Variants in SPAG16 observed in about 807,000 individuals in gnomAD.
SPAG16 encodes sperm-associated antigen 16 protein.
A neutral mutation model predicts 80.4 loss-of-function variants in SPAG16; 86 were observed. The observed-to-expected ratio is 1.07, with a 90% confidence interval of 0.90 to 1.28. The LOEUF (loss-of-function observed/expected upper bound fraction) is 1.28. Ranked by LOEUF, SPAG16 falls within the 50% of genes most tolerant of loss-of-function variation. The pLI is 0.00. For missense variants in SPAG16, 870 were observed against 765.3 expected (o/e 1.14, Z -1.61); for synonymous variants, 294 against 265.9 (o/e 1.11, Z -1.03).
chr2:214,198,767 T>C (rs2057921437), intron 15 of SPAG16, among the ~76,000 whole-genome samples: 1 of 152,104 alleles, frequency 6.6e-6, no homozygotes, highest in Non-Finnish European at 1.5e-5. Context: ...TGCCAACATC[T>C]ATTTTTTTTA....
intron 15 of SPAG16, among the ~76,000 whole-genome samples, chr2:214,236,005 G>T (rs953467885): frequency 3.4e-4 from 52 of 152,266 alleles, no homozygotes; most frequent in African/African-American, 1.2e-3. Flanking sequence ...TTCTGAGGAA[G>T]AAAATGGGCA....
intron 10 of SPAG16, among the ~76,000 whole-genome samples, chr2:213,774,541 G>T (rs1170007117): frequency 6.6e-6 from 1 of 152,098 alleles, no homozygotes; most frequent in Non-Finnish European, 1.5e-5. Context: ...ATATGCAATG[G>T]TGTTATTTCC....
At chr2:213,818,216 C>A (rs576902192) in intron 10 of SPAG16, among the ~76,000 whole-genome samples, 1 of 152,122 alleles carries the variant, frequency 6.6e-6, no homozygotes, top group South Asian at 2.1e-4. Context: ...TGTTACCTTG[C>A]GCAGTAGATC....
chr2:213,547,766 C>A (rs532417641), intron 10 of SPAG16, among the ~76,000 whole-genome samples: 7 of 152,102 alleles, frequency 4.6e-5, no homozygotes, highest in African/African-American at 1.7e-4. Context: ...TCGTATCCTT[C>A]GGAGGATTCA....
chr2:214,100,268 C>T (rs2052915568), intron 13 of SPAG16, among the ~76,000 whole-genome samples: 1 of 151,990 alleles, frequency 6.6e-6, no homozygotes, highest in Non-Finnish European at 1.5e-5. Flanking sequence ...ATTACCCAGT[C>T]TCAGGTATTG....
chr2:213,433,211 A>C (rs1186793798), intron 9 of SPAG16, among the ~76,000 whole-genome samples: 1 of 152,194 alleles, frequency 6.6e-6, no homozygotes, highest in Non-Finnish European at 1.5e-5. Flanking sequence ...AAGAATGTGC[A>C]CTTTGGCCAA....
chr2:213,636,036 A>G (rs1359533219), intron 10 of SPAG16, among the ~76,000 whole-genome samples: 2 of 152,154 alleles, frequency 1.3e-5, no homozygotes, highest in South Asian at 2.1e-4. Flanking sequence ...GCCAATGTCT[A>G]AAAGAGTTTT....
intron 10 of SPAG16, among the ~76,000 whole-genome samples, chr2:213,557,199 G>A (rs751190669): frequency 1.3e-5 from 2 of 152,002 alleles, no homozygotes; most frequent in Non-Finnish European, 2.9e-5. Context: ...CCAGCTAATG[G>A]CTATCTCTAT....
At chr2:213,562,759 T>C (rs1189897906) in intron 10 of SPAG16, among the ~76,000 whole-genome samples, 2 of 151,466 alleles carry the variant, frequency 1.3e-5, no homozygotes, top group Admixed American at 6.6e-5. Context: ...GTCATATTTA[T>C]AGATGGTGCT....
In SPAG16 at chr2:213,378,539, T is replaced by C. The variant is rs561198277; in HGVS notation, c.942+3420T>C. 7.9e-5 allele frequency among the ~76,000 whole-genome samples: 12 copies of C among 152,116 alleles called. No homozygotes were observed. The South Asian group carries it at 2.5e-3, about 32-fold the overall frequency. On this transcript the variant is annotated intron_variant, in intron 9 of 15. Coordinates refer to ENST00000331683, the MANE Select transcript of SPAG16 (RefSeq NM_024532.5). ...TTGATGTGAAGTCAGTAAATCCTTATATCACATGATAAGGGAAAAAGGAAA... is the reference window on the plus strand; with the variant it reads ...TTGATGTGAAGTCAGTAAATCCTTACATCACATGATAAGGGAAAAAGGAAA...
intron 15 of SPAG16, among the ~76,000 whole-genome samples, chr2:214,309,697 T>G (rs998132261): frequency 3.9e-5 from 6 of 152,212 alleles, no homozygotes; most frequent in Non-Finnish European, 8.8e-5. Context: ...GACTGTGTAC[T>G]ATAATTCTGG....
chr2:213,777,554 C>T (rs1288759420), intron 10 of SPAG16, among the ~76,000 whole-genome samples: 22 of 152,164 alleles, frequency 1.4e-4, no homozygotes, highest in Non-Finnish European at 1.0e-4. Flanking sequence ...TACAGGCGCC[C>T]GCCTCCACGC....
intron 15 of SPAG16, among the ~76,000 whole-genome samples, chr2:214,243,398 T>C (rs778416463): frequency 2.4e-4 from 36 of 152,168 alleles, no homozygotes; most frequent in Non-Finnish European, 1.3e-4. Flanking sequence ...TTAATAAACC[T>C]CTCTCTCTGA....
At chr2:213,928,747 C>T (rs1332657539) in intron 11 of SPAG16, among the ~76,000 whole-genome samples, 1 of 152,142 alleles carries the variant, frequency 6.6e-6, no homozygotes, top group Non-Finnish European at 1.5e-5. Context: ...AAATGCAATT[C>T]TCCATCATAA....
intron 6 of SPAG16, among the ~76,000 whole-genome samples, chr2:213,341,333 A>G (rs1467774808): frequency 6.6e-6 from 1 of 152,204 alleles, no homozygotes; most frequent in African/African-American, 2.4e-5. Flanking sequence ...GCGCGATTGC[A>G]TAATAAATCA....
chr2:214,266,291 C>T (rs986364705), intron 15 of SPAG16, among the ~76,000 whole-genome samples: 12 of 151,930 alleles, frequency 7.9e-5, no homozygotes, highest in African/African-American at 2.2e-4. Flanking sequence ...ATCTAGAATA[C>T]GTTGCCACAA....
intron 10 of SPAG16, among the ~76,000 whole-genome samples, chr2:213,809,182 T>C (rs2071965254): frequency 6.6e-6 from 1 of 152,164 alleles, no homozygotes; most frequent in African/African-American, 2.4e-5. Flanking sequence ...ACATTGGATT[T>C]ATGTCATCGG....
chr2:213,723,037 A>C (rs2125400067), intron 10 of SPAG16, among the ~76,000 whole-genome samples: 1 of 152,346 alleles, frequency 6.6e-6, no homozygotes, highest in South Asian at 2.1e-4. Context: ...GGGGACACCA[A>C]CATTCAGAAC....
In SPAG16 at chr2:214,343,871, T is replaced by C. The variant is rs140934242; in HGVS notation, c.1721-66269T>C. ...CTGAGTCTGGAATAATAAAGTAGAA[T>C]GAACAATGGAATAGAAAGAACCCAG... is the stretch of plus-strand genomic sequence containing the variant. On this transcript the variant is annotated intron_variant, in intron 15 of 15. Transcript: ENST00000331683. Among the ~76,000 whole-genome samples, 23 of 152,194 alleles carry C rather than the reference T, an allele frequency of 1.5e-4. No individual in the cohort carries two copies. The East Asian group carries it at 4.4e-3, about 29-fold the overall frequency.
Sources: gnomAD v4.1 joint callset for allele counts (sites outside exome capture counted in the v4.1 genomes callset) on GRCh38, gnomAD v4.1.1 for gene constraint, MANE v1.5 for transcripts, NCBI Gene and HGNC (gene_info 2026-07-23, HGNC 2026-07-21) for gene names.